The following RMND1 variants were observed in gnomAD, a reference collection of about 807,000 sequenced individuals.
RMND1 encodes required for meiotic nuclear division 1 homolog, also known as required for meiotic nuclear division protein 1 homolog.
A neutral mutation model predicts 54.0 loss-of-function variants in RMND1; 41 were observed. That is an observed-to-expected ratio of 0.76 (90% confidence interval 0.59 to 0.98). RMND1 has a LOEUF of 0.98. Ranked by LOEUF, RMND1 falls within the 50% of genes least tolerant of loss-of-function variation. The probability of loss-of-function intolerance (pLI) is 0.00; values close to 1 mark genes in which losing one functional copy is unlikely to be tolerated. For missense variants in RMND1, 457 were observed against 532.0 expected (o/e 0.86, Z 1.39); for synonymous variants, 183 against 181.7 (o/e 1.01, Z -0.06).
chr6:151,433,176 G>A lies in RMND1; in HGVS notation c.668C>T (p.Pro223Leu), dbSNP rs142521318. The part of the protein sequence containing the change: ...GVENSAKEGD[P>L]GTIFFFREGA... ...TTACCTGAAGAAGAATATTGTTCCA[G>A]GATCACCTTCTTTTGCAGAATTTTC... Residue 223 changes from proline to leucine, a missense_variant, in exon 4 of 12, where the codon CCT becomes CTT. Transcript: ENST00000444024. The A allele has an allele frequency of 6.3e-4, 1,010 of 1,611,320 alleles. 1 individual carries two copies. Among genetic ancestry groups the A allele is most frequent in the Non-Finnish European group, 7.4e-4 (874 of 1,178,274 alleles).
intron 9 of RMND1, among the ~76,000 whole-genome samples, chr6:151,417,742 C>A (rs1432752389): frequency 4.6e-5 from 7 of 151,814 alleles, no homozygotes; most frequent in Non-Finnish European, 1.0e-4. Flanking sequence ...ACTTCTGAAC[C>A]AAATTAATTC....
intron 10 of RMND1, chr6:151,416,961 T>C (rs1780024874): frequency 5.6e-6 from 1 of 177,772 alleles, no homozygotes; most frequent in Non-Finnish European, 1.2e-5. Flanking sequence ...TTTCTTAAAT[T>C]TATTTCTATT....
Position 151,423,454 on chromosome 6 carries a change from C to T in RMND1, c.937+71G>A, listed in dbSNP as rs146854593. 4.9e-4 allele frequency: 459 copies of T among 937,972 alleles called. 1 individual carries two copies. In the Middle Eastern group the frequency reaches 0.02, roughly 41 times the overall value. 58.1% of individuals were successfully genotyped at this position (937,972 alleles called of 1,614,324 possible). On this transcript the variant is annotated intron_variant, in intron 7 of 11. Transcript: ENST00000444024. Reference sequence around the variant, plus strand: ...GAGTATTCTGAAAATATACCAAAATCGTGACTATTTAAACTTCCCTCAGTG... The same window carrying T: ...GAGTATTCTGAAAATATACCAAAATTGTGACTATTTAAACTTCCCTCAGTG...
chr6:151,426,838 C>G (rs1366044059), intron 6 of RMND1, among the ~76,000 whole-genome samples: 2 of 151,926 alleles, frequency 1.3e-5, no homozygotes, highest in Non-Finnish European at 2.9e-5. Flanking sequence ...GGCGTGATCT[C>G]GGCTCACTGC....
At chr6:151,418,233 G>A (rs1040436114) in intron 9 of RMND1, among the ~76,000 whole-genome samples, 6 of 152,142 alleles carry the variant, frequency 3.9e-5, no homozygotes, top group African/African-American at 1.4e-4. Context: ...GGACAGCACA[G>A]CGAAACCCTA....
rs1780774042 is a variant in RMND1 at position 151,441,449 on chromosome 6, C to G, written c.504+3859G>C. Among the ~76,000 whole-genome samples, 3 of 152,160 alleles carry G rather than the reference C, an allele frequency of 2.0e-5. No homozygotes were observed. The South Asian group carries it at 6.2e-4, about 32-fold the overall frequency. On this transcript the variant is annotated intron_variant, in intron 2 of 11. Coordinates refer to ENST00000444024, the MANE Select transcript of RMND1 (RefSeq NM_017909.4). ...GGAATTTCACGAGTGATGGGAACAT[C>G]TTTTGTTTTAATGAGGTGACTCTCA...
intron 1 of RMND1, among the ~76,000 whole-genome samples, chr6:151,449,860 G>A (rs576382210): frequency 8.2e-4 from 125 of 152,302 alleles, no homozygotes; most frequent in African/African-American, 2.8e-3. Context: ...TGTGTTGGCC[G>A]GGCTGGTCTG....
chr6:151,417,165 A>G, intron 10 of RMND1, 114 bp downstream of exon 10: 2 of 1,195,160 alleles, frequency 1.7e-6, no homozygotes, highest in Non-Finnish European at 2.3e-6. Flanking sequence ...AAGGGGAAAT[A>G]TAAAGAGATT....
rs541256462 is a variant in RMND1, at chr6:151,409,812, C to T, written c.1201-3976G>A. Reference sequence around the variant, plus strand: ...AGTCACGACAACAAACAAGTGTTCACGGAGAAGGTGGCATGGGGACAGAAG... The same window carrying T: ...AGTCACGACAACAAACAAGTGTTCATGGAGAAGGTGGCATGGGGACAGAAG... On this transcript the variant is annotated intron_variant, in intron 10 of 11. Coordinates refer to ENST00000444024, the MANE Select transcript of RMND1 (RefSeq NM_017909.4). 1.4e-4 allele frequency among the ~76,000 whole-genome samples: 21 copies of T among 152,182 alleles called. No individual in the cohort carries two copies. In the South Asian group the frequency reaches 2.1e-3, roughly 15 times the overall value.
chr6:151,415,960 A>G (rs1779993085), intron 10 of RMND1, among the ~76,000 whole-genome samples: 1 of 151,634 alleles, frequency 6.6e-6, no homozygotes, highest in Admixed American at 6.6e-5. Flanking sequence ...AGGAAAAGTG[A>G]TAAAACAGTT....
chr6:151,440,468 T>C (rs2114964527), intron 2 of RMND1, among the ~76,000 whole-genome samples: 1 of 152,376 alleles, frequency 6.6e-6, no homozygotes, highest in Non-Finnish European at 1.5e-5. Context: ...TGAGAAAATA[T>C]ATTCTAAGCT....
At chr6:151,421,209 TA>T (rs1417171071) in intron 9 of RMND1, 35 bp downstream of exon 9, 1 of 1,398,052 alleles carries the variant, frequency 7.2e-7, no homozygotes, top group Non-Finnish European at 1.0e-6. Flanking sequence ...GATTGTTAAA[TA>T]TATGAAATAT....
chr6:151,449,060 CAAAAAAAAAA>C (rs71014585), intron 1 of RMND1, among the ~76,000 whole-genome samples: 9 of 18,678 alleles, frequency 4.8e-4, no homozygotes, highest in Non-Finnish European at 6.5e-4. Context: ...GACTCTGTCT[CAAAAAAAAAA>C]AAAAAAAAAA....
chr6:151,439,323 A>C (rs1253408300), intron 2 of RMND1, among the ~76,000 whole-genome samples: 1 of 152,202 alleles, frequency 6.6e-6, no homozygotes, highest in Non-Finnish European at 1.5e-5. Context: ...CTCTCCATTA[A>C]TTCACCTCTG....
At chr6:151,405,938 C>T (rs1046729712) in intron 10 of RMND1, 102 bp from the exon 11 acceptor site, 9 of 574,104 alleles carry the variant, frequency 1.6e-5, no homozygotes, top group Admixed American at 1.2e-4. Context: ...CTCCTCAGTC[C>T]TCTCCCCAAA....
At chr6:151,405,865 A>ATTAAATTG in intron 10 of RMND1, 29 bp from the exon 11 acceptor site, 1 of 1,124,090 alleles carries the variant, frequency 8.9e-7, no homozygotes, top group African/African-American at 1.5e-5. Context: ...AGTAACATGT[A>ATTAAATTG]TTTAAACAAT....
At position 151,427,520 on chromosome 6, in the gene RMND1, T is replaced by C. The variant is rs1780338152; in HGVS notation, c.792A>G (p.Val264=). 6.2e-7 allele frequency: 1 copy of C among 1,612,268 alleles called. No individual in the cohort carries two copies. Among genetic ancestry groups the C allele is most frequent in the Admixed American group, 1.7e-5 (1 of 60,000 alleles). Residue 264 remains valine, a synonymous_variant, in exon 6 of 12, where the codon GTA becomes GTG. Transcript: ENST00000444024. The part of the protein sequence containing the change: ...HEIQPYEIAL[V]HWENEELNYI... ...AGTTAAGTTCTTCATTTTCCCAGTG[T>C]ACCAGTGCGATTTCATAGGGCTGAA...
chr6:151,406,965 G>T (rs931429174), intron 10 of RMND1, among the ~76,000 whole-genome samples: 45 of 152,008 alleles, frequency 3.0e-4, no homozygotes, highest in African/African-American at 1.1e-3. Context: ...TTGGAGACCA[G>T]CCTGGGCAAC....
At chr6:151,440,168 G>A (rs930975383) in intron 2 of RMND1, among the ~76,000 whole-genome samples, 3 of 152,134 alleles carry the variant, frequency 2.0e-5, no homozygotes, top group East Asian at 3.9e-4. Context: ...TGTTGGCCAG[G>A]CTGGTCTCAA....
Sources: gnomAD v4.1 joint callset for allele counts (sites outside exome capture counted in the v4.1 genomes callset) on GRCh38, gnomAD v4.1.1 for gene constraint, MANE v1.5 for transcripts, NCBI Gene and HGNC (gene_info 2026-07-23, HGNC 2026-07-21) for gene names.